The following KIAA0513 variants were observed in gnomAD, a reference collection of about 807,000 sequenced individuals.
The protein encoded by KIAA0513 is KIAA0513, also known as uncharacterized protein KIAA0513.
In KIAA0513, 39 loss-of-function variants were observed where a neutral mutation model predicts 56.5. That is an observed-to-expected ratio of 0.69 (90% CI 0.53 to 0.90). The LOEUF (loss-of-function observed/expected upper bound fraction) is 0.90. KIAA0513 is among the 40% of genes least tolerant of loss of function. The pLI is 0.00. For missense variants in KIAA0513, 591 were observed against 535.2 expected (o/e 1.10, Z -1.03); for synonymous variants, 268 against 215.6 (o/e 1.24, Z -2.13).
intron 1 of KIAA0513, among the ~76,000 whole-genome samples, 167 bp downstream of exon 1, chr16:85,028,025 G>C (rs990995624): frequency 3.3e-5 from 5 of 152,088 alleles, no homozygotes; most frequent in African/African-American, 9.7e-5. Flanking sequence ...GAGCGGGGGC[G>C]GGGCCTCGCG....
intron 4 of KIAA0513, among the ~76,000 whole-genome samples, chr16:85,074,889 C>G (rs2073634427): frequency 6.6e-6 from 1 of 151,922 alleles, no homozygotes; most frequent in African/African-American, 2.4e-5. Context: ...TTAATTTGCA[C>G]TAGGCTAAAA....
intron 2 of KIAA0513, among the ~76,000 whole-genome samples, chr16:85,070,125 C>G (rs778095112): frequency 4.0e-5 from 6 of 149,620 alleles, no homozygotes; most frequent in Admixed American, 1.3e-4. Context: ...GAACCGTGAT[C>G]GGACTACTGC....
intron 12 of KIAA0513, 35 bp from the exon 13 acceptor site, chr16:85,088,241 T>C: frequency 6.2e-7 from 1 of 1,603,986 alleles, no homozygotes; most frequent in South Asian, 1.1e-5. Flanking sequence ...TGTCACTGTC[T>C]TTCATCTGAG....
chr16:85,059,192 C>A (rs1022536499), intron 1 of KIAA0513, among the ~76,000 whole-genome samples: 1 of 152,226 alleles, frequency 6.6e-6, no homozygotes, highest in African/African-American at 2.4e-5. Context: ...CATCAAAAGA[C>A]ATGTAAACAT....
At chr16:85,038,436 G>C (rs984828904) in intron 1 of KIAA0513, among the ~76,000 whole-genome samples, 1 of 152,176 alleles carries the variant, frequency 6.6e-6, no homozygotes, top group African/African-American at 2.4e-5. Context: ...GCCGGGTGCA[G>C]TGGCTCATGC....
chr16:85,047,654 C>A (rs962102488), intron 1 of KIAA0513, among the ~76,000 whole-genome samples: 2 of 152,284 alleles, frequency 1.3e-5, no homozygotes, highest in Middle Eastern at 3.4e-3. Context: ...TCCTGGGGAC[C>A]AGGGCACCAG....
chr16:85,071,735 G>C, intron 2 of KIAA0513, 48 bp from the exon 3 acceptor site: 1 of 1,393,840 alleles, frequency 7.2e-7, no homozygotes, highest in Non-Finnish European at 9.8e-7. Flanking sequence ...CCAGGGGATT[G>C]AAAAGGGTTT....
At chr16:85,030,278 G>A (rs2072945322) in intron 1 of KIAA0513, among the ~76,000 whole-genome samples, 1 of 152,156 alleles carries the variant, frequency 6.6e-6, no homozygotes, top group Non-Finnish European at 1.5e-5. Flanking sequence ...AGCTGTGTGA[G>A]GCAAGAGAGC....
At chr16:85,062,351 C>T (rs546536118) in intron 1 of KIAA0513, among the ~76,000 whole-genome samples, 19 of 152,274 alleles carry the variant, frequency 1.2e-4, no homozygotes, top group South Asian at 6.2e-4. Flanking sequence ...CTCATAAGGG[C>T]TTTGGAAGGT....
intron 5 of KIAA0513, 47 bp from the exon 6 acceptor site, chr16:85,077,378 C>T (rs764440882): frequency 6.4e-7 from 1 of 1,574,584 alleles, no homozygotes; most frequent in Non-Finnish European, 8.7e-7. Flanking sequence ...TTAGCAGGCG[C>T]ATACCCCAGC....
Position 85,087,173 on chromosome 16 carries a change from C to T in KIAA0513, c.1186+7C>T. 6.2e-7 allele frequency: 1 copy of T among 1,611,494 alleles called. No homozygotes were observed. Among genetic ancestry groups the T allele is most frequent in the East Asian group, 2.2e-5 (1 of 44,866 alleles). On this transcript the variant is annotated splice_region_variant and intron_variant, in intron 12 of 12. Transcript: ENST00000683363. ...ATTGGCAACCTGGATGAAGGTGCGT[C>T]TGGGGGAGGCTGCTGGCAGGAGGCG... is the stretch of plus-strand genomic sequence containing the variant.
chr16:85,045,794 C>T (rs889788929), intron 1 of KIAA0513, among the ~76,000 whole-genome samples: 12 of 152,232 alleles, frequency 7.9e-5, no homozygotes, highest in Admixed American at 3.9e-4. Flanking sequence ...CCTGTGCAGG[C>T]TGTGTGGACG....
chr16:85,055,328 A>G (rs999665886), intron 1 of KIAA0513, among the ~76,000 whole-genome samples: 8 of 152,200 alleles, frequency 5.3e-5, no homozygotes, highest in Non-Finnish European at 2.9e-5. Flanking sequence ...AAACAGTGGT[A>G]AGACACATGT....
At chr16:85,029,488 A>C (rs2072933454) in intron 1 of KIAA0513, among the ~76,000 whole-genome samples, 1 of 152,224 alleles carries the variant, frequency 6.6e-6, no homozygotes, top group Non-Finnish European at 1.5e-5. Flanking sequence ...TTCCATAGAT[A>C]TTGAATGTGG....
rs2073839640 is a variant in KIAA0513 at position 85,088,860 on chromosome 16, C to G, written c.*535C>G. On this transcript the variant is annotated 3_prime_UTR_variant, in exon 13 of 13. Transcript: ENST00000683363. ...GTCCTCACTATTCCCCAGTCTCCCG[C>G]TGTGGGGCAGGAACAGGAAGTGACG... 1 of 153,780 alleles carries G rather than the reference C, an allele frequency of 6.5e-6. No individual in the cohort carries two copies. The highest frequency in any genetic ancestry group is 1.4e-5 in the Non-Finnish European group (1 of 69,096). 9.5% of individuals were successfully genotyped at this position (153,780 alleles called of 1,614,324 possible).
Position 85,078,966 on chromosome 16 carries a change from A to G in KIAA0513, c.865A>G (p.Ile289Val). ...SPEDEKKGEK[I>V]YLYTHLKQQP... ...CGAGGACGAAAAGAAGGGGGAGAAG[A>G]TCTACCTGTACACGCACCTGAAGCA... The change falls in exon 8 of 13, where the codon ATC becomes GTC. Residue 289 changes from isoleucine to valine, a missense_variant. Coordinates refer to ENST00000683363, the MANE Select transcript of KIAA0513 (RefSeq NM_001388359.1). 1.2e-6 allele frequency: 2 copies of G among 1,614,126 alleles called. No individual in the cohort carries two copies. The highest frequency in any genetic ancestry group is 1.3e-5 in the African/African-American group (1 of 75,028).
At chr16:85,054,813 G>T (rs1012744892) in intron 1 of KIAA0513, among the ~76,000 whole-genome samples, 7 of 152,240 alleles carry the variant, frequency 4.6e-5, no homozygotes, top group East Asian at 3.9e-4. Context: ...CTTTGGGGAG[G>T]CCTAAAGGGG....
At chr16:85,080,797 AAAAT>A (rs1307520796) in intron 8 of KIAA0513, among the ~76,000 whole-genome samples, 1 of 152,244 alleles carries the variant, frequency 6.6e-6, no homozygotes, top group Non-Finnish European at 1.5e-5. Context: ...CCATCTCAAA[AAAAT>A]AAATAAATAA....
chr16:85,084,905 G>C (rs1302700540), intron 10 of KIAA0513, among the ~76,000 whole-genome samples: 1 of 152,210 alleles, frequency 6.6e-6, no homozygotes, highest in Non-Finnish European at 1.5e-5. Flanking sequence ...GGCATTACCT[G>C]ATCTGCTACT....
Sources: allele counts gnomAD v4.1 joint callset (sites outside exome capture counted in the v4.1 genomes callset), GRCh38; gene constraint gnomAD v4.1.1; transcripts MANE v1.5; gene names NCBI Gene and HGNC (gene_info 2026-07-23, HGNC 2026-07-21).